MAML3: variants seen among roughly 807,000 people sequenced by gnomAD.
MAML3 encodes the protein mastermind like transcriptional coactivator 3.
A neutral mutation model predicts 101.9 loss-of-function variants in MAML3; 27 were observed. The ratio of observed to expected loss-of-function variants is 0.27; its 90% CI spans 0.20 to 0.37. The LOEUF (loss-of-function observed/expected upper bound fraction) is 0.37, where lower values mean the gene tolerates loss of function less well. MAML3 is among the 10% of genes least tolerant of loss of function. The probability of loss-of-function intolerance (pLI) is 1.00; values close to 1 mark genes in which losing one functional copy is unlikely to be tolerated. For synonymous variants in MAML3, 501 were observed against 555.9 expected (o/e 0.90, Z 1.39); for missense variants, 1,316 against 1,444.9 (o/e 0.91, Z 1.45).
At chr4:139,938,433 T>C (rs1733545691) in intron 1 of MAML3, among the ~76,000 whole-genome samples, 1 of 152,158 alleles carries the variant, frequency 6.6e-6, no homozygotes, top group African/African-American at 2.4e-5. Context: ...GGGCCTACTA[T>C]CAGTTAGTAA....
chr4:139,777,061 C>T (rs933401140), intron 2 of MAML3, among the ~76,000 whole-genome samples: 3 of 152,140 alleles, frequency 2.0e-5, no homozygotes. Context: ...CTCATCCACT[C>T]CTCTGCAGGG....
chr4:140,071,555 G>T (rs1727653896), intron 1 of MAML3, among the ~76,000 whole-genome samples: 1 of 151,772 alleles, frequency 6.6e-6, no homozygotes, highest in Non-Finnish European at 1.5e-5. Flanking sequence ...ATGCAAAGTG[G>T]CCTATGATAA....
intron 1 of MAML3, among the ~76,000 whole-genome samples, chr4:140,074,363 A>G (rs1371787727): frequency 2.0e-5 from 3 of 152,226 alleles, no homozygotes; most frequent in African/African-American, 7.2e-5. Flanking sequence ...TCCTTTGAAA[A>G]CATATAAGGC....
chr4:140,129,693 G>A (rs189266389), intron 1 of MAML3, among the ~76,000 whole-genome samples: 23 of 152,242 alleles, frequency 1.5e-4, no homozygotes, highest in Admixed American at 1.0e-3. Flanking sequence ...ACGGCCGGGC[G>A]CGGTGGCTCA....
chr4:139,964,399 T>C (rs6823470), intron 1 of MAML3, among the ~76,000 whole-genome samples: 5,774 of 151,804 alleles, frequency 0.038, 375 homozygotes, highest in African/African-American at 0.13. Flanking sequence ...TGAGAACACA[T>C]AGACACAAAG....
At chr4:140,096,245 C>T (rs916446243) in intron 1 of MAML3, among the ~76,000 whole-genome samples, 39 of 152,270 alleles carry the variant, frequency 2.6e-4, no homozygotes, top group Admixed American at 9.1e-4. Flanking sequence ...AAGATGATGA[C>T]GGTGACAATG....
intron 1 of MAML3, chr4:140,134,083 C>A (rs1295522772): frequency 2.2e-6 from 1 of 456,570 alleles, no homozygotes; most frequent in Non-Finnish European, 4.4e-6. Context: ...ACCTCCAGGA[C>A]TGGCTATCTA....
intron 1 of MAML3, among the ~76,000 whole-genome samples, chr4:139,966,478 C>T (rs574558165): frequency 1.3e-5 from 2 of 152,134 alleles, no homozygotes; most frequent in Non-Finnish European, 2.9e-5. Flanking sequence ...TATGTCCCTG[C>T]CTTTGCCTTT....
At chr4:139,981,077 C>T (rs554597739) in intron 1 of MAML3, among the ~76,000 whole-genome samples, 10 of 152,300 alleles carry the variant, frequency 6.6e-5, no homozygotes, top group African/African-American at 1.4e-4. Flanking sequence ...ACAGACTGGG[C>T]GGCTTAGACA....
At chr4:139,945,070 C>T (rs918817932) in intron 1 of MAML3, among the ~76,000 whole-genome samples, 3 of 152,194 alleles carry the variant, frequency 2.0e-5, no homozygotes, top group African/African-American at 7.2e-5. Flanking sequence ...CAATGAAAGA[C>T]AACATTTTAA....
chr4:140,146,857 C>T (rs72937715), intron 1 of MAML3, among the ~76,000 whole-genome samples: 7,065 of 151,982 alleles, frequency 0.046, 444 homozygotes, highest in African/African-American at 0.15. Context: ...AAAATCTGGC[C>T]GGGTGCGGTG....
chr4:140,045,926 G>A (rs1375158613), intron 1 of MAML3, among the ~76,000 whole-genome samples: 1 of 152,216 alleles, frequency 6.6e-6, no homozygotes, highest in Admixed American at 6.5e-5. Flanking sequence ...GTTAAGCGCA[G>A]CAACATGTTT....
At chr4:139,944,245 T>C (rs998109256) in intron 1 of MAML3, among the ~76,000 whole-genome samples, 7 of 152,070 alleles carry the variant, frequency 4.6e-5, no homozygotes, top group African/African-American at 9.7e-5. Flanking sequence ...TAGTTACATA[T>C]GTATACATGT....
At chr4:140,075,513 T>G (rs181981615) in intron 1 of MAML3, among the ~76,000 whole-genome samples, 1 of 152,318 alleles carries the variant, frequency 6.6e-6, no homozygotes, top group East Asian at 1.9e-4. Context: ...AAGCACAATG[T>G]GAAAGTTAAA....
chr4:139,777,049 C>A (rs180915185), intron 2 of MAML3, among the ~76,000 whole-genome samples: 12 of 152,240 alleles, frequency 7.9e-5, no homozygotes, highest in African/African-American at 2.6e-4. Flanking sequence ...TTTGGAGGGA[C>A]ACTCATCCAC....
rs1266716681 is a variant in MAML3 at position 140,081,707 on chromosome 4, G to A, written c.468+71153C>T. ...ATGTAGCCGCTGCTACAAATGCTGG[G>A]GTCATCTAATGGGGAGGGTAGGAAA... On this transcript the variant is annotated intron_variant, in intron 1 of 4. Coordinates refer to ENST00000509479, the MANE Select transcript of MAML3 (RefSeq NM_018717.5). Among the ~76,000 whole-genome samples the A allele has an allele frequency of 4.6e-5, 7 of 152,226 alleles. No individual in the cohort carries two copies. In the East Asian group the frequency reaches 1.4e-3, roughly 29 times the overall value.
At chr4:139,982,905 T>C (rs1734472376) in intron 1 of MAML3, among the ~76,000 whole-genome samples, 1 of 152,148 alleles carries the variant, frequency 6.6e-6, no homozygotes, top group African/African-American at 2.4e-5. Flanking sequence ...GCACCCCCCT[T>C]AGGAAAAAAC....
At chr4:140,047,751 C>T (rs1336329287) in intron 1 of MAML3, among the ~76,000 whole-genome samples, 2 of 121,270 alleles carry the variant, frequency 1.6e-5, no homozygotes, top group Non-Finnish European at 1.6e-5. Context: ...AGAAGATGGA[C>T]GCGCTGCTCA....
chr4:139,941,658 A>G (rs1185427065), intron 1 of MAML3, among the ~76,000 whole-genome samples: 1 of 152,088 alleles, frequency 6.6e-6, no homozygotes, highest in Non-Finnish European at 1.5e-5. Context: ...ATGTACATGT[A>G]TGTGTGCAAG....
Sources: allele counts gnomAD v4.1 joint callset (sites outside exome capture counted in the v4.1 genomes callset), GRCh38; gene constraint gnomAD v4.1.1; transcripts MANE v1.5; gene names NCBI Gene and HGNC (gene_info 2026-07-23, HGNC 2026-07-21).